Variants in BIRC6 observed in about 807,000 individuals in gnomAD.
BIRC6 encodes the protein dual E2 ubiquitin-conjugating enzyme/E3 ubiquitin-protein ligase BIRC6.
A neutral mutation model predicts 503.3 loss-of-function variants in BIRC6; 98 were observed. The ratio of observed to expected loss-of-function variants is 0.19; its 90% CI spans 0.17 to 0.23. The LOEUF is 0.23. BIRC6 is among the 10% of genes least tolerant of loss of function. BIRC6 has a pLI of 1.00. For synonymous variants in BIRC6, 2,240 were observed against 2,078.7 expected (o/e 1.08, Z -2.11); for missense variants, 5,360 against 5,806.0 (o/e 0.92, Z 2.50).
chr2:32,479,678 A>G, intron 37 of BIRC6, 61 bp downstream of exon 37: 1 of 1,342,118 alleles, frequency 7.5e-7, no homozygotes, highest in South Asian at 1.5e-5. Flanking sequence ...TTCAAAATAA[A>G]GAATGTTAGA....
Position 32,603,070 on chromosome 2 carries a change from C to T in BIRC6, c.14057C>T (p.Ser4686Leu). 1 of 1,610,012 alleles carries T rather than the reference C, an allele frequency of 6.2e-7. No homozygotes were observed. Among genetic ancestry groups the T allele is most frequent in the Non-Finnish European group, 8.5e-7 (1 of 1,178,508 alleles). The change falls in exon 71 of 74, where the codon TCA (serine) becomes TTA (leucine). Residue 4686 changes from serine to leucine, a missense_variant. Ser to Leu is a moderately radical substitution (Grantham distance 145). Coordinates refer to ENST00000421745, the MANE Select transcript of BIRC6 (RefSeq NM_016252.4). ...GAAGAGAAGTGGAATCCTCAGACCTCAAGCTTTTTGCAAGTAAACAAAATT... is the reference window on the plus strand; with the variant it reads ...GAAGAGAAGTGGAATCCTCAGACCTTAAGCTTTTTGCAAGTAAACAAAATT... ...RPEEKWNPQT[S>L]SFLQVLVSVQ...
intron 73 of BIRC6, among the ~76,000 whole-genome samples, 161 bp from the exon 74 acceptor site, chr2:32,617,564 C>G (rs1032589355): frequency 1.3e-5 from 2 of 152,152 alleles, no homozygotes; most frequent in Admixed American, 6.5e-5. Context: ...TTTTGCTTAC[C>G]TACTATATCA....
intron 11 of BIRC6, 55 bp from the exon 12 acceptor site, chr2:32,430,810 T>TC (rs2044017221): frequency 1.2e-6 from 1 of 859,890 alleles, no homozygotes. Flanking sequence ...GTCTTCTTTT[T>TC]TTTTTTTTTT....
intron 55 of BIRC6, among the ~76,000 whole-genome samples, chr2:32,517,147 A>G (rs1490614357): frequency 6.6e-6 from 1 of 152,074 alleles, no homozygotes; most frequent in Non-Finnish European, 1.5e-5. Flanking sequence ...TTTTGACAAC[A>G]TGGCAAAACC....
chr2:32,518,401 A>C lies in BIRC6; in HGVS notation c.11493+4A>C. On this transcript the variant is annotated splice_donor_region_variant and intron_variant, in intron 56 of 73. Coordinates refer to ENST00000421745, the MANE Select transcript of BIRC6 (RefSeq NM_016252.4). ...GTTTCTTCAGTCTCCATGTCCAGTG[A>C]GTATTTAACACTTAATCATTGGCTG... is the stretch of plus-strand genomic sequence containing the variant. The C allele has an allele frequency of 6.2e-7, 1 of 1,602,530 alleles. No individual in the cohort carries two copies. Among genetic ancestry groups the C allele is most frequent in the Non-Finnish European group, 8.5e-7 (1 of 1,177,376 alleles).
chr2:32,383,396 A>G (rs2037978586), intron 3 of BIRC6, among the ~76,000 whole-genome samples: 1 of 152,192 alleles, frequency 6.6e-6, no homozygotes. Flanking sequence ...TCAAGAAGAT[A>G]TCTAATTTCT....
intron 61 of BIRC6, among the ~76,000 whole-genome samples, chr2:32,540,015 T>C (rs2057535870): frequency 6.6e-6 from 1 of 152,076 alleles, no homozygotes; most frequent in Admixed American, 6.5e-5. Flanking sequence ...ACCAACTTTA[T>C]GCCAACATAT....
chr2:32,546,346 G>T (rs2058051055), intron 63 of BIRC6, among the ~76,000 whole-genome samples: 1 of 152,184 alleles, frequency 6.6e-6, no homozygotes, highest in African/African-American at 2.4e-5. Flanking sequence ...TTGGGAGGTT[G>T]AGGTGGGTGG....
At chr2:32,559,485 T>C (rs1390406683) in intron 65 of BIRC6, among the ~76,000 whole-genome samples, 1 of 152,212 alleles carries the variant, frequency 6.6e-6, no homozygotes, top group East Asian at 1.9e-4. Context: ...GATGAAGCTC[T>C]TCATGGCAAA....
At chr2:32,492,627 G>C (rs772907330) in intron 44 of BIRC6, among the ~76,000 whole-genome samples, 2 of 151,980 alleles carry the variant, frequency 1.3e-5, no homozygotes, top group Non-Finnish European at 2.9e-5. Context: ...GTATAGCTAG[G>C]TATCAGTGAA....
chr2:32,479,925 T>C (rs1450682365), intron 37 of BIRC6, among the ~76,000 whole-genome samples: 1 of 152,184 alleles, frequency 6.6e-6, no homozygotes, highest in East Asian at 1.9e-4. Context: ...GCTCTTATTC[T>C]TTAAGATCCA....
intron 1 of BIRC6, among the ~76,000 whole-genome samples, chr2:32,369,944 AAATATATATATATATATATATAT>A (rs1336947082): frequency 3.5e-4 from 9 of 25,762 alleles, no homozygotes; most frequent in African/African-American, 8.1e-4. Flanking sequence ...AAAAAAAAAA[AAATATATATATATATATATATAT>A]ATATATATAT....
chr2:32,612,979 A>G (rs77677889), intron 73 of BIRC6, among the ~76,000 whole-genome samples: 1 of 152,088 alleles, frequency 6.6e-6, no homozygotes, highest in Non-Finnish European at 1.5e-5. Context: ...AACCTTATGC[A>G]GTTTGACTTC....
chr2:32,447,375 C>A (rs1362121450), intron 21 of BIRC6, among the ~76,000 whole-genome samples: 1 of 148,268 alleles, frequency 6.7e-6, no homozygotes, highest in Non-Finnish European at 1.5e-5. Context: ...GCTGGCCGGG[C>A]GGGGGGCTGA....
Position 32,490,124 on chromosome 2 carries a change from A to C in BIRC6, c.8179A>C (p.Thr2727Pro), listed in dbSNP as rs2051505924. Reference sequence around the variant, plus strand: ...ATGGTGCCTTGTGCTTCATAGCCTAACACTCATGACAAACATGCAGCTTAA... The same window carrying C: ...ATGGTGCCTTGTGCTTCATAGCCTACCACTCATGACAAACATGCAGCTTAA... ...RTWCLVLHSL[T>P]LMTNMQLNSG... Residue 2727 changes from threonine (T) to proline (P), a missense_variant, in exon 43 of 74, where the codon ACA (threonine) becomes CCA (proline). This residue lies in a region of BIRC6 where 2,299 missense variants were observed against 2,267.2 expected (regional missense o/e 1.01). Transcript: ENST00000421745. 6.2e-7 allele frequency: 1 copy of C among 1,610,440 alleles called. No homozygotes were observed. The highest frequency in any genetic ancestry group is 8.5e-7 in the Non-Finnish European group (1 of 1,176,676).
intron 50 of BIRC6, 28 bp from the exon 51 acceptor site, chr2:32,507,952 G>A: frequency 6.3e-7 from 1 of 1,599,198 alleles, no homozygotes; most frequent in Admixed American, 1.7e-5. Context: ...TTTGTCTTTT[G>A]TGATGATTCA....
chr2:32,595,217 T>A, intron 68 of BIRC6, 73 bp downstream of exon 68: 1 of 922,594 alleles, frequency 1.1e-6, no homozygotes, highest in Non-Finnish European at 1.6e-6. Context: ...GAAATGTGTT[T>A]TAGCAAATTA....
intron 66 of BIRC6, among the ~76,000 whole-genome samples, chr2:32,585,999 G>A (rs997934450): frequency 1.3e-5 from 2 of 152,126 alleles, no homozygotes; most frequent in African/African-American, 4.8e-5. Context: ...TAATAAAGCT[G>A]AGATTTAGCT....
chr2:32,485,523 G>T, intron 39 of BIRC6, 120 bp from the exon 40 acceptor site: 1 of 627,142 alleles, frequency 1.6e-6, no homozygotes, highest in Non-Finnish European at 2.8e-6. Context: ...TTAGGTGGCT[G>T]TTCTGTAAGA....
Sources: allele counts gnomAD v4.1 joint callset (sites outside exome capture counted in the v4.1 genomes callset), GRCh38; gene constraint gnomAD v4.1.1; regional missense constraint gnomAD v4.1.1; transcripts MANE v1.5; gene names NCBI Gene and HGNC (gene_info 2026-07-23, HGNC 2026-07-21).